APOL6: variants seen among roughly 807,000 people sequenced by gnomAD.
APOL6 encodes the protein apolipoprotein L, 6.
Under a neutral mutation model 2.4 loss-of-function variants are expected in APOL6, and 1 was observed. That is an observed-to-expected ratio of 0.41 (90% CI 0.15 to 1.94). APOL6 has a LOEUF of 1.94. APOL6 is among the 30% of genes most tolerant of loss of function. The probability of loss-of-function intolerance (pLI) is 0.30; values close to 1 mark genes in which losing one functional copy is unlikely to be tolerated. For missense variants in APOL6, 438 were observed against 429.2 expected (o/e 1.02, Z -0.18); for synonymous variants, 189 against 169.3 (o/e 1.12, Z -0.90).
At position 35,666,039 on chromosome 22, in the gene APOL6, G is replaced by T. The variant is rs1245898262; in HGVS notation, c.*6443G>T. 1 of 152,014 alleles carries T rather than the reference G, an allele frequency of 6.6e-6. No homozygotes were observed. The highest frequency in any genetic ancestry group is 1.5e-5 in the Non-Finnish European group (1 of 68,008). 9.4% of individuals were successfully genotyped at this position (152,014 alleles called of 1,614,324 possible). A position where few individuals can be genotyped will look rare whatever the true frequency, so the allele number is the denominator to read the frequency against. ...TGTGAAATGGTGTTTGGTTTTCTTTGGGCTGTATTTGTATAAATATGTTAT... is the reference window on the plus strand; with the variant it reads ...TGTGAAATGGTGTTTGGTTTTCTTTTGGCTGTATTTGTATAAATATGTTAT... On this transcript the variant is annotated 3_prime_UTR_variant, in exon 3 of 3. Transcript: ENST00000409652.
rs1925050015 is a variant in APOL6, at chr22:35,662,305, C to T, written c.*2709C>T. On this transcript the variant is annotated 3_prime_UTR_variant, in exon 3 of 3. Transcript: ENST00000409652. Reference sequence around the variant, plus strand: ...AGGGTATCTTTTTCTGAGCCCTAAACACTGTGTTGGGGATGTCAACTGTGA... The same window carrying T: ...AGGGTATCTTTTTCTGAGCCCTAAATACTGTGTTGGGGATGTCAACTGTGA... 2 of 152,100 alleles carry T rather than the reference C, an allele frequency of 1.3e-5. No individual in the cohort carries two copies. Among genetic ancestry groups the T allele is most frequent in the Non-Finnish European group, 2.9e-5 (2 of 68,032 alleles). The allele number at this position is 152,100 out of a possible 1,614,324, so 9.4% of individuals were successfully genotyped here. A position where few individuals can be genotyped will look rare whatever the true frequency, so the allele number is the denominator to read the frequency against.
rs1924976190 is a variant in APOL6, at chr22:35,659,943, T to A, written c.*347T>A. On this transcript the variant is annotated 3_prime_UTR_variant, in exon 3 of 3. Transcript: ENST00000409652. ...ACCACGCCCAGCTAATTTTGGTATT[T>A]TTTTGTAGAGACAGGGTTTCACCAT... The A allele has an allele frequency of 4.7e-6, 1 of 213,244 alleles. No individual in the cohort carries two copies. Among genetic ancestry groups the A allele is most frequent in the Non-Finnish European group, 9.5e-6 (1 of 104,748 alleles). 13.2% of individuals were successfully genotyped at this position (213,244 alleles called of 1,614,324 possible).
chr22:35,653,877 A>G (rs1485002963), intron 1 of APOL6, among the ~76,000 whole-genome samples: 1 of 152,048 alleles, frequency 6.6e-6, no homozygotes, highest in East Asian at 1.9e-4. Context: ...CCTACTTCAG[A>G]CACCAGTTGT....
rs1925115786 is a variant in APOL6, at chr22:35,664,486, T to C, written c.*4890T>C. On this transcript the variant is annotated 3_prime_UTR_variant, in exon 3 of 3. Coordinates refer to ENST00000409652, the MANE Select transcript of APOL6 (RefSeq NM_030641.4). ...AGTTCATTCGGCCTATGCCCAGGAATGAACAAGGACAGCTTGGAAGTTAAG... is the reference window on the plus strand; with the variant it reads ...AGTTCATTCGGCCTATGCCCAGGAACGAACAAGGACAGCTTGGAAGTTAAG... 6.6e-6 allele frequency: 1 copy of C among 152,234 alleles called. No homozygotes were observed. The highest frequency in any genetic ancestry group is 2.4e-5 in the African/African-American group (1 of 41,474). The allele number at this position is 152,234 out of a possible 1,614,324, so 9.4% of individuals were successfully genotyped here.
chr22:35,657,243 T>C (rs1367357009), intron 2 of APOL6, among the ~76,000 whole-genome samples: 1 of 152,170 alleles, frequency 6.6e-6, no homozygotes, highest in East Asian at 1.9e-4. Context: ...TATGGCATCT[T>C]TTATGTCTGG....
rs1924952373 is a variant in APOL6, at chr22:35,659,364, T to C, written c.800T>C (p.Phe267Ser). The C allele has an allele frequency of 1.2e-6, 2 of 1,614,106 alleles. No individual in the cohort carries two copies. Among genetic ancestry groups the C allele is most frequent in the Non-Finnish European group, 1.7e-6 (2 of 1,180,026 alleles). The stretch of plus-strand genomic sequence containing the variant: ...CTGAAGGAAGGAGCAAGGACAAAGT[T>C]TGCGGAAGAGTTGAGAGCCAAGGCC... Reference protein sequence around the residue: ...KHLKEGARTKFAEELRAKALE... With the variant: ...KHLKEGARTKSAEELRAKALE... Residue 267 changes from phenylalanine to serine, a missense_variant, in exon 3 of 3, where the codon TTT becomes TCT. Transcript: ENST00000409652.
rs1239667228 is a variant in APOL6 at position 35,664,745 on chromosome 22, A to G, written c.*5149A>G. ...ATAATAGATAATTTATTATTTGGGT[A>G]TTTTCCAATAAATATATCTTGTAGG... On this transcript the variant is annotated 3_prime_UTR_variant, in exon 3 of 3. Coordinates refer to ENST00000409652, the MANE Select transcript of APOL6 (RefSeq NM_030641.4). The G allele has an allele frequency of 6.6e-6, 1 of 152,064 alleles. No homozygotes were observed. Among genetic ancestry groups the G allele is most frequent in the African/African-American group, 2.4e-5 (1 of 41,428 alleles). 9.4% of individuals were successfully genotyped at this position (152,064 alleles called of 1,614,324 possible).
At chr22:35,657,143 C>A (rs1034218733) in intron 2 of APOL6, among the ~76,000 whole-genome samples, 1 of 152,154 alleles carries the variant, frequency 6.6e-6, no homozygotes, top group Non-Finnish European at 1.5e-5. Context: ...TACACAGTGG[C>A]GTTGTTGATC....
intron 2 of APOL6, 40 bp from the exon 3 acceptor site, chr22:35,658,575 T>C (rs1357973151): frequency 6.5e-7 from 1 of 1,534,624 alleles, no homozygotes; most frequent in Admixed American, 2.0e-5. Context: ...TTTTCCCATC[T>C]GGGAAGCTGA....
At chr22:35,651,211 T>A (rs1924682316) in intron 1 of APOL6, among the ~76,000 whole-genome samples, 1 of 152,170 alleles carries the variant, frequency 6.6e-6, no homozygotes, top group African/African-American at 2.4e-5. Context: ...AGACATTTAG[T>A]GTCTCACAGT....
intron 1 of APOL6, among the ~76,000 whole-genome samples, chr22:35,653,518 G>A (rs1268730122): frequency 6.6e-6 from 1 of 152,174 alleles, no homozygotes; most frequent in African/African-American, 2.4e-5. Context: ...CATTCAGTAT[G>A]ATATTGGCTG....
In APOL6 at chr22:35,659,670, G is replaced by A. The variant is rs1294588760; in HGVS notation, c.*74G>A. The A allele has an allele frequency of 6.7e-7, 1 of 1,489,716 alleles. No homozygotes were observed. Among genetic ancestry groups the A allele is most frequent in the Non-Finnish European group, 8.9e-7 (1 of 1,118,248 alleles). The allele number at this position is 1,489,716 out of a possible 1,614,324, so 92.3% of individuals were successfully genotyped here. A position where few individuals can be genotyped will look rare whatever the true frequency, so the allele number is the denominator to read the frequency against. ...TCAAGTACATCTTGGAGATGAGGGT[G>A]CCTGTCCTGGACAGACCTCGGCATG... On this transcript the variant is annotated 3_prime_UTR_variant, in exon 3 of 3. Coordinates refer to ENST00000409652, the MANE Select transcript of APOL6 (RefSeq NM_030641.4).
chr22:35,656,561 C>A, intron 2 of APOL6, 86 bp downstream of exon 2: 1 of 1,498,122 alleles, frequency 6.7e-7, no homozygotes, highest in South Asian at 1.1e-5. Context: ...TACATGTGCT[C>A]TGATAGGATT....
chr22:35,654,548 A>ATT (rs1246881644), intron 1 of APOL6, among the ~76,000 whole-genome samples: 3,972 of 151,616 alleles, frequency 0.026, 89 homozygotes, highest in African/African-American at 0.049. Flanking sequence ...CTCTATATAT[A>ATT]TATATATGTA....
intron 1 of APOL6, among the ~76,000 whole-genome samples, chr22:35,654,177 A>C (rs1924779155): frequency 6.6e-6 from 1 of 152,146 alleles, no homozygotes; most frequent in Non-Finnish European, 1.5e-5. Flanking sequence ...AAGCTCTCTG[A>C]ACCCTGTCCT....
Position 35,659,577 on chromosome 22 carries a change from T to C in APOL6, c.1013T>C (p.Val338Ala). Residue 338 changes from valine to alanine, a missense_variant, in exon 3 of 3, where the codon GTG (valine) becomes GCG (alanine). Physicochemically the swap from Val to Ala is moderately conservative, Grantham distance 64. Coordinates refer to ENST00000409652, the MANE Select transcript of APOL6 (RefSeq NM_030641.4). ...LWLCVCLCVC[V>A]YVQFT ...CTGTGTGTGTGTCTGTGTGTCTGTG[T>C]GTATGTACAGTTTACATGAATGTTC... The C allele has an allele frequency of 6.2e-7, 1 of 1,610,144 alleles. No homozygotes were observed. The highest frequency in any genetic ancestry group is 8.5e-7 in the Non-Finnish European group (1 of 1,177,930).
In APOL6 at chr22:35,662,149, T is replaced by C. The variant is rs1925044677; in HGVS notation, c.*2553T>C. On this transcript the variant is annotated 3_prime_UTR_variant, in exon 3 of 3. Coordinates refer to ENST00000409652, the MANE Select transcript of APOL6 (RefSeq NM_030641.4). ...TCAAATAAGAGAACTTCAAAGAAAA[T>C]CCCTCCCTGTGCTTTGGAAGGGAAG... 6.6e-6 allele frequency: 1 copy of C among 151,928 alleles called. No individual in the cohort carries two copies. The highest frequency in any genetic ancestry group is 1.5e-5 in the Non-Finnish European group (1 of 67,992). The allele number at this position is 151,928 out of a possible 1,614,324, so 9.4% of individuals were successfully genotyped here. A position where few individuals can be genotyped will look rare whatever the true frequency, so the allele number is the denominator to read the frequency against.
In APOL6 at chr22:35,656,175, G is replaced by A. The variant is rs141226067; in HGVS notation, c.-47-204G>A. Among the ~76,000 whole-genome samples the A allele has an allele frequency of 3.0e-3, 456 of 152,308 alleles. 4 individuals are homozygous for A. Among genetic ancestry groups the A allele is most frequent in the African/African-American group, 0.01 (428 of 41,578 alleles). ...TACCCTCCAATATAGAGGTAAAAAT[G>A]TATTGAACTGACTATTTCACTGTAT... On this transcript the variant is annotated intron_variant, in intron 1 of 2. Transcript: ENST00000409652.
chr22:35,659,746 G>GTCT lies in APOL6; in HGVS notation c.*153_*155dup, dbSNP rs1050266247. On this transcript the variant is annotated 3_prime_UTR_variant, in exon 3 of 3. Transcript: ENST00000409652. ...TTAAGGCCTATGTGCTGGGAAAAGG[G>GTCT]TCTTCCCTGTTTGTTTGTTTGTTTG... 2 of 1,217,490 alleles carry GTCT rather than the reference G, an allele frequency of 1.6e-6. No individual in the cohort carries two copies. The highest frequency in any genetic ancestry group is 3.2e-5 in the African/African-American group (2 of 62,444). The allele number at this position is 1,217,490 out of a possible 1,614,324, so 75.4% of individuals were successfully genotyped here.
Sources: allele counts gnomAD v4.1 joint callset (sites outside exome capture counted in the v4.1 genomes callset), GRCh38; gene constraint gnomAD v4.1.1; transcripts MANE v1.5; gene names NCBI Gene and HGNC (gene_info 2026-07-23, HGNC 2026-07-21).